The following SUCLG2 variants were observed in gnomAD, a reference collection of about 807,000 sequenced individuals.
SUCLG2 encodes succinate--CoA ligase [GDP-forming] subunit beta, mitochondrial.
Under a neutral mutation model 47.9 loss-of-function variants are expected in SUCLG2, and 42 were observed. The ratio of observed to expected loss-of-function variants is 0.88; its 90% CI spans 0.69 to 1.14. The LOEUF is 1.14. Among genes scored for constraint, SUCLG2 ranks in the 50% most tolerant of loss-of-function variants. The pLI is 0.00. For synonymous variants in SUCLG2, 195 were observed against 197.3 expected (o/e 0.99, Z 0.10); for missense variants, 571 against 525.9 (o/e 1.09, Z -0.84).
chr3:67,464,972 G>A (rs186760433), intron 9 of SUCLG2, among the ~76,000 whole-genome samples: 256 of 152,256 alleles, frequency 1.7e-3, no homozygotes, highest in Non-Finnish European at 2.0e-3. Flanking sequence ...AGAGGGGCTT[G>A]ACAATCGATT....
intron 1 of SUCLG2, among the ~76,000 whole-genome samples, chr3:67,625,869 C>T (rs989017926): frequency 3.3e-5 from 5 of 151,460 alleles, no homozygotes; most frequent in African/African-American, 1.2e-4. Context: ...CTGCTATATT[C>T]ATAGCAGCAC....
intron 9 of SUCLG2, among the ~76,000 whole-genome samples, chr3:67,453,065 C>T (rs1044589166): frequency 3.9e-5 from 6 of 152,064 alleles, no homozygotes; most frequent in African/African-American, 7.2e-5. Context: ...ATCTCTTTTG[C>T]GTGCCCAACA....
chr3:67,623,219 G>A (rs553416818), intron 1 of SUCLG2, among the ~76,000 whole-genome samples: 9 of 152,150 alleles, frequency 5.9e-5, no homozygotes, highest in Admixed American at 1.3e-4. Flanking sequence ...AACAAATTGC[G>A]GCTGGGCGTG....
chr3:67,477,660 A>G (rs1704801031), intron 9 of SUCLG2, among the ~76,000 whole-genome samples: 1 of 152,130 alleles, frequency 6.6e-6, no homozygotes, highest in Admixed American at 6.6e-5. Flanking sequence ...AAGCCACTGC[A>G]CTCCAGCCTG....
intron 9 of SUCLG2, among the ~76,000 whole-genome samples, chr3:67,421,087 C>A (rs1703146770): frequency 6.6e-6 from 1 of 152,160 alleles, no homozygotes; most frequent in Admixed American, 6.5e-5. Flanking sequence ...CTGGAGATCA[C>A]AGAGGTTAGT....
chr3:67,542,424 A>C (rs1479541663), intron 2 of SUCLG2, among the ~76,000 whole-genome samples: 1 of 152,220 alleles, frequency 6.6e-6, no homozygotes, highest in Non-Finnish European at 1.5e-5. Flanking sequence ...TGCATCAACT[A>C]ACGGGCAAAA....
chr3:67,509,663 C>G (rs1219353872), intron 6 of SUCLG2, among the ~76,000 whole-genome samples: 1 of 152,176 alleles, frequency 6.6e-6, no homozygotes, highest in African/African-American at 2.4e-5. Flanking sequence ...TGCCCCTACC[C>G]TGGAAAGCTC....
At chr3:67,643,030 G>C (rs1701128997) in intron 1 of SUCLG2, among the ~76,000 whole-genome samples, 2 of 152,108 alleles carry the variant, frequency 1.3e-5, no homozygotes, top group South Asian at 2.1e-4. Flanking sequence ...TGAGCTACTG[G>C]GATGGGCATC....
At chr3:67,598,812 G>A (rs1307896418) in intron 2 of SUCLG2, among the ~76,000 whole-genome samples, 1 of 152,174 alleles carries the variant, frequency 6.6e-6, no homozygotes, top group Non-Finnish European at 1.5e-5. Flanking sequence ...AAACCCATGA[G>A]TAGACACTAC....
chr3:67,637,421 A>C (rs1272328477), intron 1 of SUCLG2, among the ~76,000 whole-genome samples: 3 of 152,202 alleles, frequency 2.0e-5, no homozygotes, highest in African/African-American at 7.2e-5. Flanking sequence ...GGTGGATTTT[A>C]AAAAACGAAA....
intron 10 of SUCLG2, among the ~76,000 whole-genome samples, chr3:67,398,278 A>G (rs1443207523): frequency 1.3e-5 from 2 of 150,814 alleles, no homozygotes; most frequent in African/African-American, 4.9e-5. Flanking sequence ...TCATCTGACA[A>G]AGGGCTAATA....
At chr3:67,647,508 G>A (rs994773763) in intron 1 of SUCLG2, among the ~76,000 whole-genome samples, 1 of 152,210 alleles carries the variant, frequency 6.6e-6, no homozygotes, top group Non-Finnish European at 1.5e-5. Flanking sequence ...AACGCTGAGG[G>A]CAGTAGTTTG....
chr3:67,624,923 G>A (rs898589832), intron 1 of SUCLG2, among the ~76,000 whole-genome samples: 2 of 152,170 alleles, frequency 1.3e-5, no homozygotes, highest in African/African-American at 4.8e-5. Context: ...AAAGACCTCA[G>A]AAAAGTACAC....
intron 9 of SUCLG2, among the ~76,000 whole-genome samples, chr3:67,419,009 A>G (rs1258750521): frequency 6.6e-6 from 1 of 152,118 alleles, no homozygotes; most frequent in Non-Finnish European, 1.5e-5. Flanking sequence ...GGTCTGCACA[A>G]TGTTAGGATC....
intron 2 of SUCLG2, among the ~76,000 whole-genome samples, chr3:67,581,815 G>A (rs1352397560): frequency 2.0e-5 from 3 of 152,182 alleles, no homozygotes; most frequent in Non-Finnish European, 4.4e-5. Context: ...AGACCCGGTG[G>A]TATTTAAGGC....
intron 1 of SUCLG2, among the ~76,000 whole-genome samples, chr3:67,652,457 C>T (rs1575846415): frequency 6.6e-6 from 1 of 152,212 alleles, no homozygotes; most frequent in South Asian, 2.1e-4. Flanking sequence ...GCAATGTCTG[C>T]CACGGGCAAG....
chr3:67,380,011 G>A (rs112151108), intron 10 of SUCLG2, among the ~76,000 whole-genome samples: 1,728 of 152,268 alleles, frequency 0.011, 16 homozygotes, highest in East Asian at 0.034. Flanking sequence ...GCTGACCGAC[G>A]GGGTAACTCC....
intron 2 of SUCLG2, among the ~76,000 whole-genome samples, chr3:67,553,094 AGAAGTG>A (rs1707061407): frequency 4.6e-5 from 7 of 152,220 alleles, no homozygotes; most frequent in Admixed American, 2.0e-4. Context: ...ATCCCAACCA[AGAAGTG>A]GATATGAATG....
At chr3:67,507,848 G>T (rs1339829444) in intron 7 of SUCLG2, among the ~76,000 whole-genome samples, 2 of 152,198 alleles carry the variant, frequency 1.3e-5, no homozygotes, top group East Asian at 3.8e-4. Flanking sequence ...TACTAAAAAA[G>T]AAAAGGTTCA....
Sources: allele counts gnomAD v4.1 joint callset (sites outside exome capture counted in the v4.1 genomes callset), GRCh38; gene constraint gnomAD v4.1.1; transcripts MANE v1.5; gene names NCBI Gene and HGNC (gene_info 2026-07-23, HGNC 2026-07-21).